The following EPB41L2 variants were observed in gnomAD, a reference collection of about 807,000 sequenced individuals.
EPB41L2 encodes the protein band 4.1-like protein 2.
EPB41L2 carries 43 observed loss-of-function variants against 113.0 expected under a neutral mutation model. That is an observed-to-expected ratio of 0.38 (90% confidence interval 0.30 to 0.49). The LOEUF is 0.49. EPB41L2 is among the 20% of genes least tolerant of loss of function. The probability of loss-of-function intolerance (pLI) is 0.95; values close to 1 mark genes in which losing one functional copy is unlikely to be tolerated. For synonymous variants in EPB41L2, 442 were observed against 436.7 expected (o/e 1.01, Z -0.15); for missense variants, 1,147 against 1,223.4 (o/e 0.94, Z 0.93).
intron 3 of EPB41L2, among the ~76,000 whole-genome samples, chr6:130,928,454 T>C (rs73617169): frequency 0.016 from 2,499 of 152,286 alleles, 77 homozygotes; most frequent in African/African-American, 0.056. Flanking sequence ...TACATAACAA[T>C]TGGTTATGAT....
At chr6:131,038,113 T>A (rs2128179850) in intron 1 of EPB41L2, among the ~76,000 whole-genome samples, 1 of 152,320 alleles carries the variant, frequency 6.6e-6, no homozygotes, top group Admixed American at 6.5e-5. Flanking sequence ...CTTGATTTGT[T>A]TTGAAGGCCA....
chr6:130,924,721 T>TTG, intron 4 of EPB41L2, among the ~76,000 whole-genome samples: 1 of 152,282 alleles, frequency 6.6e-6, no homozygotes, highest in East Asian at 1.9e-4. Context: ...TCCACACTGT[T>TTG]TTCCAGAGTG....
intron 1 of EPB41L2, among the ~76,000 whole-genome samples, chr6:130,957,874 T>C (rs577367890): frequency 6.6e-6 from 1 of 152,320 alleles, no homozygotes; most frequent in Non-Finnish European, 1.5e-5. Flanking sequence ...CACTCTGCAT[T>C]CCCCGTCGCC....
intron 3 of EPB41L2, among the ~76,000 whole-genome samples, chr6:130,929,985 T>C (rs933756957): frequency 6.6e-6 from 1 of 152,040 alleles, no homozygotes; most frequent in East Asian, 1.9e-4. Flanking sequence ...GAGGCCAACC[T>C]ATATTTGCCA....
At position 130,956,379 on chromosome 6, in the gene EPB41L2, T is replaced by C. The variant is rs1562585411; in HGVS notation, c.107A>G (p.Asn36Ser). Residue 36 changes from asparagine (N) to serine (S), a missense_variant, in exon 2 of 20, where the codon AAT (asparagine) becomes AGT (serine). Physicochemically the swap from Asn to Ser is conservative, Grantham distance 46. Coordinates refer to ENST00000337057, the MANE Select transcript of EPB41L2 (RefSeq NM_001431.4). Reference sequence around the variant, plus strand: ...TTCCTCCTCTGGATCGGAAGACTGATTCTGCTGATTTTCTGCTACTTCTTT... The same window carrying C: ...TTCCTCCTCTGGATCGGAAGACTGACTCTGCTGATTTTCTGCTACTTCTTT... ...KPKEVAENQQ[N>S]QSSDPEEEKG... The C allele has an allele frequency of 1.2e-6, 2 of 1,614,178 alleles. No homozygotes were observed. The highest frequency in any genetic ancestry group is 2.2e-5 in the East Asian group (1 of 44,884).
At chr6:130,945,326 C>T (rs1371309516) in intron 3 of EPB41L2, among the ~76,000 whole-genome samples, 3 of 152,062 alleles carry the variant, frequency 2.0e-5, no homozygotes, top group South Asian at 2.1e-4. Context: ...TTCCGAGACC[C>T]GAACTCAACA....
intron 1 of EPB41L2, among the ~76,000 whole-genome samples, chr6:131,044,659 G>T (rs1795085473): frequency 6.6e-6 from 1 of 152,082 alleles, no homozygotes; most frequent in Non-Finnish European, 1.5e-5. Flanking sequence ...TGTTGCCTGG[G>T]TCCTTCAAGC....
chr6:131,033,549 A>C (rs1792668872), intron 1 of EPB41L2, among the ~76,000 whole-genome samples: 1 of 152,266 alleles, frequency 6.6e-6, no homozygotes, highest in South Asian at 2.1e-4. Flanking sequence ...AATGTCCAAC[A>C]ATAGATGAAT....
At chr6:130,967,317 A>G (rs1328333276) in intron 1 of EPB41L2, among the ~76,000 whole-genome samples, 1 of 152,064 alleles carries the variant, frequency 6.6e-6, no homozygotes, top group Non-Finnish European at 1.5e-5. Context: ...AAACTCACAT[A>G]TAAGTGGACC....
intron 1 of EPB41L2, among the ~76,000 whole-genome samples, chr6:131,004,251 G>A (rs988560461): frequency 6.6e-6 from 1 of 152,076 alleles, no homozygotes; most frequent in African/African-American, 2.4e-5. Context: ...TTGAAGAAGG[G>A]GTGGGCACAG....
intron 1 of EPB41L2, among the ~76,000 whole-genome samples, chr6:131,004,980 A>C (rs2128717715): frequency 6.6e-6 from 1 of 152,354 alleles, no homozygotes; most frequent in African/African-American, 2.4e-5. Flanking sequence ...TACTATTCAT[A>C]ACAATCAAGA....
chr6:131,015,998 A>G (rs1788099208), intron 1 of EPB41L2, among the ~76,000 whole-genome samples: 1 of 152,174 alleles, frequency 6.6e-6, no homozygotes. Context: ...TAAAGCCATC[A>G]CTTTCTTGAA....
chr6:130,992,109 A>T (rs1016939921), intron 1 of EPB41L2, among the ~76,000 whole-genome samples: 1 of 152,212 alleles, frequency 6.6e-6, no homozygotes, highest in Admixed American at 6.5e-5. Flanking sequence ...CTATTCTTAC[A>T]CAAAAGATAT....
At chr6:130,961,263 T>C (rs771957518) in intron 1 of EPB41L2, among the ~76,000 whole-genome samples, 4 of 152,186 alleles carry the variant, frequency 2.6e-5, no homozygotes, top group Non-Finnish European at 4.4e-5. Context: ...TAGACAAGCA[T>C]GTGGTTTTGA....
At chr6:130,972,445 G>T in intron 1 of EPB41L2, among the ~76,000 whole-genome samples, 1 of 150,602 alleles carries the variant, frequency 6.6e-6, no homozygotes, top group East Asian at 2.2e-4. Context: ...AAAAGAAAAT[G>T]TGTCAATTCT....
rs554377500 is a variant in EPB41L2 at position 130,853,233 on chromosome 6, T to C, written c.*5+4898A>G. Among the ~76,000 whole-genome samples the C allele has an allele frequency of 1.1e-4, 16 of 152,316 alleles. No homozygotes were observed. In the South Asian group the frequency reaches 3.1e-3, roughly 30 times the overall value. On this transcript the variant is annotated intron_variant, in intron 19 of 19. Coordinates refer to ENST00000337057, the MANE Select transcript of EPB41L2 (RefSeq NM_001431.4). ...CCTTCAGGTGCTCACTGATTTTGGA[T>C]GAACAGGAGGCTTCATTCACTTTTT... is the stretch of plus-strand genomic sequence containing the variant.
Position 130,870,061 on chromosome 6 carries a change from T to C in EPB41L2, c.2109A>G (p.Arg703=). 1 of 1,614,114 alleles carries C rather than the reference T, an allele frequency of 6.2e-7. No homozygotes were observed. Residue 703 remains arginine, a synonymous_variant, in exon 15 of 20, where the codon AGA becomes AGG. Transcript: ENST00000337057. ...TACCATTCATTTCTTCTGTGATTAC[T>C]CTTTCGTCTTTCCCAACCTCTGCCC... ...KKRAEVGKDE[R]VITEEMNGKE...
intron 1 of EPB41L2, among the ~76,000 whole-genome samples, chr6:131,061,768 G>C (rs1798693741): frequency 6.6e-6 from 1 of 151,392 alleles, no homozygotes; most frequent in Non-Finnish European, 1.5e-5. Context: ...TCTCAACAGC[G>C]TTATAAAGAG....
chr6:130,959,976 T>C (rs1305381284), intron 1 of EPB41L2, among the ~76,000 whole-genome samples: 1 of 152,252 alleles, frequency 6.6e-6, no homozygotes, highest in Non-Finnish European at 1.5e-5. Context: ...TCCACTATTA[T>C]GTTAAAAGCA....
Sources: allele counts gnomAD v4.1 joint callset (sites outside exome capture counted in the v4.1 genomes callset), GRCh38; gene constraint gnomAD v4.1.1; transcripts MANE v1.5; gene names NCBI Gene and HGNC (gene_info 2026-07-23, HGNC 2026-07-21).